The following ZBTB7C variants were observed in gnomAD, a reference collection of about 807,000 sequenced individuals.
ZBTB7C encodes zinc finger and BTB domain containing 7C.
In ZBTB7C, 8 loss-of-function variants were observed where a neutral mutation model predicts 25.7. That is an observed-to-expected ratio of 0.31 (90% CI 0.18 to 0.56). The LOEUF (loss-of-function observed/expected upper bound fraction) is 0.56, where lower values mean the gene tolerates loss of function less well. Ranked by LOEUF, ZBTB7C falls within the 20% of genes least tolerant of loss-of-function variation. The pLI, the probability that ZBTB7C is intolerant of heterozygous loss-of-function variation, is 0.91. For missense variants in ZBTB7C, 824 were observed against 855.2 expected, an observed-to-expected ratio of 0.96 and a Z score of 0.46; for synonymous variants, 394 against 369.0, an observed-to-expected ratio of 1.07 and a Z score of -0.78.
At chr18:48,248,418 C>T (rs1053029390) in intron 2 of ZBTB7C, among the ~76,000 whole-genome samples, 8 of 152,166 alleles carry the variant, frequency 5.3e-5, no homozygotes, top group African/African-American at 1.9e-4. Flanking sequence ...TTCCCTCTGT[C>T]ATCTCATCCA....
intron 3 of ZBTB7C, among the ~76,000 whole-genome samples, chr18:48,184,325 T>C (rs932628060): frequency 2.0e-5 from 3 of 152,206 alleles, no homozygotes; most frequent in African/African-American, 7.2e-5. Context: ...AAGGACCTGT[T>C]GCATAATCTG....
rs779646116 is a variant in ZBTB7C, at chr18:48,123,723, A to G, written c.-17+62211T>C. 4.7e-4 allele frequency among the ~76,000 whole-genome samples: 72 copies of G among 152,230 alleles called. 1 individual carries two copies. The highest frequency in any genetic ancestry group is 1.0e-4 in the Non-Finnish European group (7 of 68,048). On this transcript the variant is annotated intron_variant, in intron 3 of 4. Coordinates refer to ENST00000590800, the MANE Select transcript of ZBTB7C (RefSeq NM_001318841.2). ...AGTCATATGGCAACATTCAGGGTTA[A>G]TTTTGTAGTTCAGGCTCTGAGCAGT...
intron 3 of ZBTB7C, among the ~76,000 whole-genome samples, chr18:48,124,366 C>T (rs2039730819): frequency 6.6e-6 from 1 of 152,242 alleles, no homozygotes; most frequent in South Asian, 2.1e-4. Context: ...AGAATCTGCA[C>T]CACAGTCCTT....
Position 48,402,093 on chromosome 18 carries a change from C to T in ZBTB7C, c.-304+7133G>A, listed in dbSNP as rs563665221. Among the ~76,000 whole-genome samples the T allele has an allele frequency of 1.0e-3, 155 of 152,100 alleles. 4 individuals are homozygous for T. The South Asian group carries it at 0.02, about 19-fold the overall frequency. On this transcript the variant is annotated intron_variant, in intron 1 of 4. Transcript: ENST00000590800. ...CACTGGGCAAAATAGTTTCTGAGTC[C>T]TACTGTGTGCCGGACACTCCTCTAA...
intron 3 of ZBTB7C, among the ~76,000 whole-genome samples, chr18:48,146,506 C>A (rs1598968101): frequency 6.6e-6 from 1 of 152,106 alleles, no homozygotes; most frequent in East Asian, 1.9e-4. Context: ...TATGAAACAA[C>A]ACATACCTAT....
chr18:48,209,982 TA>T (rs1366372297), intron 2 of ZBTB7C, among the ~76,000 whole-genome samples: 1 of 152,168 alleles, frequency 6.6e-6, no homozygotes, highest in Non-Finnish European at 1.5e-5. Flanking sequence ...AATAAAAAGA[TA>T]ATCCAATATT....
intron 2 of ZBTB7C, among the ~76,000 whole-genome samples, chr18:48,263,033 G>A (rs2044214892): frequency 1.3e-5 from 2 of 152,196 alleles, no homozygotes; most frequent in African/African-American, 4.8e-5. Flanking sequence ...CTCATAACAT[G>A]AGCCACTGTT....
intron 2 of ZBTB7C, among the ~76,000 whole-genome samples, chr18:48,201,221 G>C (rs1346190616): frequency 1.3e-5 from 2 of 152,106 alleles, no homozygotes; most frequent in African/African-American, 2.4e-5. Flanking sequence ...CTGAACACCA[G>C]GCATGCTGAG....
At chr18:48,311,530 C>G (rs1020695532) in intron 2 of ZBTB7C, among the ~76,000 whole-genome samples, 2 of 147,592 alleles carry the variant, frequency 1.4e-5, no homozygotes, top group Admixed American at 1.3e-4. Context: ...GGTAAGACGC[C>G]AGGGATGCTG....
intron 2 of ZBTB7C, among the ~76,000 whole-genome samples, chr18:48,329,308 G>A (rs1349370724): frequency 6.6e-6 from 1 of 152,172 alleles, no homozygotes; most frequent in Non-Finnish European, 1.5e-5. Context: ...TCATCCTGTT[G>A]GATCCCCTGT....
chr18:48,127,487 T>A (rs1301915590), intron 3 of ZBTB7C, among the ~76,000 whole-genome samples: 5 of 152,222 alleles, frequency 3.3e-5, no homozygotes, highest in Non-Finnish European at 7.3e-5. Flanking sequence ...AAGACCTGCA[T>A]GGGTGTCCTA....
intron 3 of ZBTB7C, among the ~76,000 whole-genome samples, chr18:48,115,858 C>T (rs965091822): frequency 2.0e-5 from 3 of 152,018 alleles, no homozygotes; most frequent in Admixed American, 2.0e-4. Context: ...GAGGAATCTG[C>T]TCACATAATT....
Position 48,309,627 on chromosome 18 carries a change from T to C in ZBTB7C, c.-79+28547A>G, listed in dbSNP as rs111938064. 3.4e-3 allele frequency among the ~76,000 whole-genome samples: 514 copies of C among 152,360 alleles called. 5 individuals are homozygous for C. Among genetic ancestry groups the C allele is most frequent in the African/African-American group, 0.01 (430 of 41,586 alleles). On this transcript the variant is annotated intron_variant, in intron 2 of 4. Coordinates refer to ENST00000590800, the MANE Select transcript of ZBTB7C (RefSeq NM_001318841.2). ...AAATTGTCATGTTATGCATGTCTAC[T>C]ATCCCCATAGCTATCATAAAAGAGA...
In ZBTB7C at chr18:48,393,669, G is replaced by A. The variant is rs572163888; in HGVS notation, c.-304+15557C>T. On this transcript the variant is annotated intron_variant, in intron 1 of 4. Transcript: ENST00000590800. ...TGTATGTGCACATCCACACACACAC[G>A]CACACAGAGGACTATAGCCATCGCC... Among the ~76,000 whole-genome samples the A allele has an allele frequency of 5.5e-4, 84 of 151,914 alleles. 4 individuals carry two copies. In the South Asian group the frequency reaches 0.017, roughly 31 times the overall value.
At chr18:48,081,266 A>G (rs1265800362) in intron 3 of ZBTB7C, among the ~76,000 whole-genome samples, 1 of 151,958 alleles carries the variant, frequency 6.6e-6, no homozygotes. Flanking sequence ...TGGCCCCATG[A>G]CCATTCAGCA....
chr18:48,156,940 C>T lies in ZBTB7C; in HGVS notation c.-17+28994G>A, dbSNP rs569905329. On this transcript the variant is annotated intron_variant, in intron 3 of 4. Transcript: ENST00000590800. The stretch of plus-strand genomic sequence containing the variant: ...TGGCTGCAGTTTGAAAGGCAGTGCC[C>T]CTGCCTGTCACTCAGAGGCTTTCCC... Among the ~76,000 whole-genome samples, 40 of 152,168 alleles carry T rather than the reference C, an allele frequency of 2.6e-4. No homozygotes were observed. In the Middle Eastern group the frequency reaches 0.01, roughly 39 times the overall value.
chr18:48,340,790 C>A (rs904844980), intron 1 of ZBTB7C, among the ~76,000 whole-genome samples: 7 of 152,164 alleles, frequency 4.6e-5, no homozygotes. Context: ...AAACAATTAA[C>A]CCTCAAAGAA....
rs149295104 is a variant in ZBTB7C at position 48,312,436 on chromosome 18, G to C, written c.-79+25738C>G. ...TTTTACCCCTCCAGCAAGTATCCAAGTAAAGACTCTTCTGTCATGGTTTTA... is the reference window on the plus strand; with the variant it reads ...TTTTACCCCTCCAGCAAGTATCCAACTAAAGACTCTTCTGTCATGGTTTTA... On this transcript the variant is annotated intron_variant, in intron 2 of 4. Coordinates refer to ENST00000590800, the MANE Select transcript of ZBTB7C (RefSeq NM_001318841.2). Among the ~76,000 whole-genome samples, 1,223 of 152,264 alleles carry C rather than the reference G, an allele frequency of 8.0e-3. 20 individuals are homozygous for C. Among genetic ancestry groups the C allele is most frequent in the African/African-American group, 0.028 (1,176 of 41,534 alleles).
intron 1 of ZBTB7C, among the ~76,000 whole-genome samples, chr18:48,378,749 G>A (rs1216329656): frequency 6.6e-6 from 1 of 151,898 alleles, no homozygotes; most frequent in Non-Finnish European, 1.5e-5. Context: ...CATAAAACAA[G>A]AACAGAATGC....
Sources: gnomAD v4.1 joint callset for allele counts (sites outside exome capture counted in the v4.1 genomes callset) on GRCh38, gnomAD v4.1.1 for gene constraint, MANE v1.5 for transcripts, NCBI Gene and HGNC (gene_info 2026-07-23, HGNC 2026-07-21) for gene names.